SCRG1: variants seen among roughly 807,000 people sequenced by gnomAD.
SCRG1 encodes the protein scrapie-responsive protein 1.
SCRG1 carries 3 observed loss-of-function variants against 7.7 expected under a neutral mutation model. The ratio of observed to expected loss-of-function variants is 0.39; its 90% CI spans 0.18 to 1.01. The LOEUF (loss-of-function observed/expected upper bound fraction) is 1.01. SCRG1 is among the 50% of genes least tolerant of loss of function. The pLI, the probability that SCRG1 is intolerant of heterozygous loss-of-function variation, is 0.36. For missense variants in SCRG1, 110 were observed against 117.2 expected (o/e 0.94, Z 0.28); for synonymous variants, 46 against 41.2 (o/e 1.12, Z -0.44).
the SCRG1 span, among the ~76,000 whole-genome samples, chr4:173,497,776 T>G: frequency 6.6e-6 from 1 of 151,312 alleles, no homozygotes; most frequent in Non-Finnish European, 1.5e-5. Context: ...GTTCAAGCAA[T>G]TCTCCTGCCT....
At chr4:173,505,450 G>A in the SCRG1 span, among the ~76,000 whole-genome samples, 5 of 152,070 alleles carry the variant, frequency 3.3e-5, no homozygotes, top group African/African-American at 1.2e-4. This position sits in a 1 kb window ranked among gnomAD's most constrained non-coding sequence, Gnocchi z 4.4. Flanking sequence ...GATTCTTCTT[G>A]CTCAGCCATC....
chr4:173,449,490 G>A, the SCRG1 span, among the ~76,000 whole-genome samples: 1 of 145,550 alleles, frequency 6.9e-6, no homozygotes, highest in African/African-American at 2.5e-5. Flanking sequence ...GGCATAGCTG[G>A]CCTTGTCACA....
At chr4:173,505,511 C>T in the SCRG1 span, among the ~76,000 whole-genome samples, 1 of 152,104 alleles carries the variant, frequency 6.6e-6, no homozygotes, top group Non-Finnish European at 1.5e-5. This position sits in a 1 kb window ranked among gnomAD's most constrained non-coding sequence, Gnocchi z 4.4. Flanking sequence ...AGCTAGACAG[C>T]GGAGAAGCTC....
chr4:173,399,545 G>A (rs1185484099), upstream of SCRG1: 1 of 152,060 alleles, frequency 6.6e-6, no homozygotes, highest in Non-Finnish European at 1.5e-5. Flanking sequence ...AGTGGGGAAT[G>A]GCTAGCTGCG....
chr4:173,503,791 C>T, the SCRG1 span, among the ~76,000 whole-genome samples: 21 of 152,282 alleles, frequency 1.4e-4, no homozygotes, highest in African/African-American at 5.1e-4. The surrounding 1 kb of genome is among the most constrained non-coding windows in gnomAD (Gnocchi z 6.4). Context: ...GTTACATCTT[C>T]GCGATGTCCC....
At chr4:173,485,352 T>C in the SCRG1 span, among the ~76,000 whole-genome samples, 32 of 149,642 alleles carry the variant, frequency 2.1e-4, 1 homozygote, top group African/African-American at 7.1e-4. Context: ...AAATCAGACC[T>C]AGCTGTCTTG....
chr4:173,475,692 A>C, the SCRG1 span, among the ~76,000 whole-genome samples: 1 of 152,208 alleles, frequency 6.6e-6, no homozygotes, highest in Non-Finnish European at 1.5e-5. Flanking sequence ...GAAACAAGCC[A>C]AGTATCAATC....
At chr4:173,435,863 G>A in the SCRG1 span, among the ~76,000 whole-genome samples, 1 of 152,114 alleles carries the variant, frequency 6.6e-6, no homozygotes, top group African/African-American at 2.4e-5. Context: ...CAGACAAAAG[G>A]ATGCCAAATA....
the SCRG1 span, among the ~76,000 whole-genome samples, chr4:173,429,292 A>T: frequency 7.9e-4 from 119 of 150,686 alleles, no homozygotes; most frequent in African/African-American, 2.3e-3. Flanking sequence ...GAGAAAAAAA[A>T]TTTTTTTTTT....
At chr4:173,506,063 T>G in the SCRG1 span, among the ~76,000 whole-genome samples, 1 of 152,246 alleles carries the variant, frequency 6.6e-6, no homozygotes, top group African/African-American at 2.4e-5. The surrounding 1 kb of genome is among the most constrained non-coding windows in gnomAD (Gnocchi z 5.3). Context: ...TTAGATGGTG[T>G]GAGTAGACAC....
the SCRG1 span, among the ~76,000 whole-genome samples, chr4:173,496,902 C>T: frequency 8.6e-5 from 13 of 152,026 alleles, no homozygotes; most frequent in Middle Eastern, 3.4e-3. Context: ...GTCAGGAGAT[C>T]GAGTCCATCC....
chr4:173,390,974 C>G (rs1044835567), intron 2 of SCRG1, among the ~76,000 whole-genome samples, 199 bp downstream of exon 2: 1 of 152,156 alleles, frequency 6.6e-6, no homozygotes, highest in Non-Finnish European at 1.5e-5. Context: ...TTAAACTCAG[C>G]TAAATTCCAT....
chr4:173,389,705 C>CTTTGAGAA (rs1739370672), intron 2 of SCRG1: 2 of 188,508 alleles, frequency 1.1e-5, no homozygotes, highest in Non-Finnish European at 2.3e-5. Context: ...ACTTTGAGAA[C>CTTTGAGAA]CAGCTGGCTT....
chr4:173,517,040 G>A, the SCRG1 span, among the ~76,000 whole-genome samples: 1 of 152,340 alleles, frequency 6.6e-6, no homozygotes, highest in South Asian at 2.1e-4. Flanking sequence ...TACAGGGGAG[G>A]GAGAGAGGGA....
the SCRG1 span, among the ~76,000 whole-genome samples, chr4:173,505,761 G>T: frequency 6.6e-6 from 1 of 152,198 alleles, no homozygotes; most frequent in Middle Eastern, 3.2e-3. This position sits in a 1 kb window ranked among gnomAD's most constrained non-coding sequence, Gnocchi z 4.4. Flanking sequence ...GAAAGAAGGC[G>T]TGAAGCAACG....
At chr4:173,431,310 G>A in the SCRG1 span, among the ~76,000 whole-genome samples, 12 of 152,076 alleles carry the variant, frequency 7.9e-5, no homozygotes, top group Admixed American at 6.5e-4. Context: ...GTGGACCAGC[G>A]GGCAAAGGGA....
At chr4:173,462,669 T>C in the SCRG1 span, among the ~76,000 whole-genome samples, 1 of 152,134 alleles carries the variant, frequency 6.6e-6, no homozygotes, top group South Asian at 2.1e-4. Flanking sequence ...ATTATAACAC[T>C]GTAACTGTGG....
the SCRG1 span, among the ~76,000 whole-genome samples, chr4:173,450,233 T>C: frequency 6.6e-6 from 1 of 152,142 alleles, no homozygotes; most frequent in Admixed American, 6.5e-5. Flanking sequence ...CTCACTATCA[T>C]GAGTAAACCA....
chr4:173,511,336 G>A, the SCRG1 span, among the ~76,000 whole-genome samples: 488 of 152,288 alleles, frequency 3.2e-3, 2 homozygotes, highest in Middle Eastern at 0.034. This position sits in a 1 kb window ranked among gnomAD's most constrained non-coding sequence, Gnocchi z 5.2. Flanking sequence ...TCAGGAAGTG[G>A]TGGAGATAGG....
Sources: gnomAD v4.1 joint callset for allele counts (sites outside exome capture counted in the v4.1 genomes callset) on GRCh38, gnomAD v4.1.1 for gene constraint, Gnocchi (gnomAD v3.1) non-coding constraint, MANE v1.5 for transcripts, NCBI Gene and HGNC (gene_info 2026-07-23, HGNC 2026-07-21) for gene names.